The following CACNA2D3 variants were observed in gnomAD, a reference collection of about 807,000 sequenced individuals.
CACNA2D3 encodes the protein voltage-dependent calcium channel subunit alpha-2/delta-3.
CACNA2D3 carries 60 observed loss-of-function variants against 160.6 expected under a neutral mutation model. That is an observed-to-expected ratio of 0.37 (90% CI 0.30 to 0.46). The LOEUF (loss-of-function observed/expected upper bound fraction) is 0.46, where lower values mean the gene tolerates loss of function less well. Among genes scored for constraint, CACNA2D3 ranks in the 20% least tolerant of loss-of-function variants. The pLI, the probability that CACNA2D3 is intolerant of heterozygous loss-of-function variation, is 1.00. For missense variants in CACNA2D3, 1,205 were observed against 1,365.0 expected, an observed-to-expected ratio of 0.88 and a Z score of 1.85; for synonymous variants, 558 against 492.9, an observed-to-expected ratio of 1.13 and a Z score of -1.75.
In CACNA2D3 at chr3:54,846,372, C is replaced by A. The variant is rs1402588170; in HGVS notation, c.1552-21C>A. The A allele has an allele frequency of 3.2e-6, 5 of 1,556,524 alleles. No homozygotes were observed. In the East Asian group the frequency reaches 1.1e-4, roughly 35 times the overall value. ...CCAGGGAGCAAGCTAATGAAGGTTTCTTTCTTGCTTCCTCTTACAGTTAGG... is the reference window on the plus strand; with the variant it reads ...CCAGGGAGCAAGCTAATGAAGGTTTATTTCTTGCTTCCTCTTACAGTTAGG... On this transcript the variant is annotated intron_variant, in intron 16 of 37. Coordinates refer to ENST00000474759, the MANE Select transcript of CACNA2D3 (RefSeq NM_018398.3).
chr3:54,765,473 C>G (rs1702206792), intron 13 of CACNA2D3, among the ~76,000 whole-genome samples: 1 of 152,120 alleles, frequency 6.6e-6, no homozygotes, highest in Non-Finnish European at 1.5e-5. Flanking sequence ...GAGTCTGTCC[C>G]CAGTTTGGTT....
intron 11 of CACNA2D3, among the ~76,000 whole-genome samples, chr3:54,731,305 C>G (rs11130431): frequency 1.3e-5 from 2 of 151,936 alleles, no homozygotes; most frequent in African/African-American, 2.4e-5. Flanking sequence ...ACATTTTATA[C>G]GAAGCACACT....
At chr3:54,415,892 C>T (rs1447353656) in intron 4 of CACNA2D3, among the ~76,000 whole-genome samples, 2 of 151,958 alleles carry the variant, frequency 1.3e-5, no homozygotes, top group African/African-American at 4.8e-5. Flanking sequence ...TTTCACTGGA[C>T]AAAATCTTGT....
chr3:54,492,675 G>GTA (rs1701129802), intron 4 of CACNA2D3, among the ~76,000 whole-genome samples: 1 of 152,160 alleles, frequency 6.6e-6, no homozygotes, highest in African/African-American at 2.4e-5. Context: ...CCAAACCCCA[G>GTA]TATTCAAACA....
At chr3:54,338,499 G>C in intron 3 of CACNA2D3, among the ~76,000 whole-genome samples, 1 of 151,348 alleles carries the variant, frequency 6.6e-6, no homozygotes, top group African/African-American at 2.4e-5. Context: ...GTGTGTGTGT[G>C]TGTGTGTGTG....
At chr3:54,140,614 G>A (rs192433981) in intron 2 of CACNA2D3, among the ~76,000 whole-genome samples, 2 of 152,340 alleles carry the variant, frequency 1.3e-5, no homozygotes, top group Admixed American at 6.5e-5. Context: ...CAGGCTTCGT[G>A]TTCAGACAGC....
intron 35 of CACNA2D3, among the ~76,000 whole-genome samples, chr3:55,054,883 G>T (rs1484833453): frequency 6.6e-6 from 1 of 151,922 alleles, no homozygotes; most frequent in African/African-American, 2.4e-5. Context: ...TGTGCTTTTG[G>T]TGGCCTGGTT....
At chr3:54,448,802 A>G (rs908544016) in intron 4 of CACNA2D3, among the ~76,000 whole-genome samples, 2 of 152,210 alleles carry the variant, frequency 1.3e-5, no homozygotes, top group African/African-American at 4.8e-5. Flanking sequence ...ATGCATTATT[A>G]TATCATTACA....
intron 2 of CACNA2D3, among the ~76,000 whole-genome samples, chr3:54,208,692 T>C (rs148421237): frequency 6.6e-6 from 1 of 152,264 alleles, no homozygotes; most frequent in East Asian, 1.9e-4. Context: ...CTGGTCTATA[T>C]GGGTCTGCTT....
chr3:54,153,136 G>T (rs191194377), intron 2 of CACNA2D3, among the ~76,000 whole-genome samples: 262 of 152,332 alleles, frequency 1.7e-3, no homozygotes, highest in Non-Finnish European at 3.0e-3. Context: ...AGGTCATAGA[G>T]AAGTTGGTAG....
intron 2 of CACNA2D3, among the ~76,000 whole-genome samples, chr3:54,305,802 A>G (rs544799455): frequency 4.6e-5 from 7 of 152,352 alleles, no homozygotes; most frequent in African/African-American, 1.7e-4. Flanking sequence ...TCTAACCAAA[A>G]CATATGACTT....
chr3:54,941,243 G>A (rs1322764395), intron 27 of CACNA2D3, among the ~76,000 whole-genome samples: 1 of 152,064 alleles, frequency 6.6e-6, no homozygotes, highest in African/African-American at 2.4e-5. Flanking sequence ...AAAAAACAGG[G>A]GCATATAGTG....
At chr3:55,005,683 A>G (rs1023006445) in intron 32 of CACNA2D3, among the ~76,000 whole-genome samples, 21 of 152,142 alleles carry the variant, frequency 1.4e-4, no homozygotes, top group African/African-American at 5.1e-4. Context: ...CCAGAAATTA[A>G]CTGTTACCAC....
intron 29 of CACNA2D3, among the ~76,000 whole-genome samples, chr3:54,974,633 C>T (rs1008666621): frequency 1.3e-5 from 2 of 152,214 alleles, no homozygotes; most frequent in Non-Finnish European, 2.9e-5. Flanking sequence ...CTGAGTAATA[C>T]GGAGCCATCC....
chr3:54,640,245 T>C (rs1377886184), intron 10 of CACNA2D3, among the ~76,000 whole-genome samples: 16 of 152,214 alleles, frequency 1.1e-4, no homozygotes, highest in Admixed American at 1.0e-3. Context: ...GAAGAGATTT[T>C]TTTATGTTTC....
intron 29 of CACNA2D3, 87 bp downstream of exon 29, chr3:54,969,931 C>G: frequency 1.7e-6 from 2 of 1,151,116 alleles, no homozygotes; most frequent in East Asian, 2.4e-5. Flanking sequence ...CCCTTATAAA[C>G]AAGGCCAGGT....
intron 14 of CACNA2D3, among the ~76,000 whole-genome samples, chr3:54,820,439 AAAAT>A (rs1316746595): frequency 1.3e-5 from 2 of 152,200 alleles, no homozygotes; most frequent in East Asian, 3.8e-4. Flanking sequence ...AGTTTGAAAA[AAAAT>A]ATTATTTTTT....
intron 2 of CACNA2D3, among the ~76,000 whole-genome samples, chr3:54,290,572 G>A (rs1016836842): frequency 6.6e-6 from 1 of 150,826 alleles, no homozygotes; most frequent in Non-Finnish European, 1.5e-5. Context: ...TATACCCAAA[G>A]GACTATAAAT....
chr3:54,304,011 A>G (rs144704023), intron 2 of CACNA2D3, among the ~76,000 whole-genome samples: 75 of 151,954 alleles, frequency 4.9e-4, no homozygotes, highest in African/African-American at 1.6e-3. Flanking sequence ...GTATAAAATG[A>G]TTCTCTAACC....
Sources: gnomAD v4.1 joint callset for allele counts (sites outside exome capture counted in the v4.1 genomes callset) on GRCh38, gnomAD v4.1.1 for gene constraint, MANE v1.5 for transcripts, NCBI Gene and HGNC (gene_info 2026-07-23, HGNC 2026-07-21) for gene names.